ABLIM1: variants seen among roughly 807,000 people sequenced by gnomAD.
ABLIM1 encodes the protein actin-binding LIM protein 1.
In ABLIM1, 40 loss-of-function variants were observed where a neutral mutation model predicts 107.0. The ratio of observed to expected loss-of-function variants is 0.37; its 90% CI spans 0.29 to 0.49. The LOEUF is 0.49. Among genes scored for constraint, ABLIM1 ranks in the 20% least tolerant of loss-of-function variants. The pLI is 0.97. For synonymous variants in ABLIM1, 357 were observed against 357.3 expected, an observed-to-expected ratio of 1.00 and a Z score of 0.01; for missense variants, 857 against 1,008.5, an observed-to-expected ratio of 0.85 and a Z score of 2.04.
At chr10:114,725,735 A>G (rs1027239554) in intron 1 of ABLIM1, among the ~76,000 whole-genome samples, 2 of 142,266 alleles carry the variant, frequency 1.4e-5, no homozygotes, top group African/African-American at 2.6e-5. Context: ...TATATATAAA[A>G]TGTGTGTGTG....
At chr10:114,711,077 T>A (rs112366087) in intron 1 of ABLIM1, among the ~76,000 whole-genome samples, 1 of 152,250 alleles carries the variant, frequency 6.6e-6, no homozygotes, top group African/African-American at 2.4e-5. Flanking sequence ...GAAGAATCTG[T>A]TGTCCCTGTA....
intron 1 of ABLIM1, among the ~76,000 whole-genome samples, chr10:114,631,700 T>G (rs1332561127): frequency 6.6e-6 from 1 of 151,524 alleles, no homozygotes; most frequent in Non-Finnish European, 1.5e-5. Flanking sequence ...GAAAACAGGA[T>G]GTGCTCCCGA....
intron 1 of ABLIM1, among the ~76,000 whole-genome samples, chr10:114,692,607 A>C (rs1026544214): frequency 6.6e-6 from 1 of 152,190 alleles, no homozygotes; most frequent in East Asian, 1.9e-4. Context: ...GAGTAAAAAA[A>C]CGGGTCAGGA....
rs200929910 is a variant in ABLIM1 at position 114,575,517 on chromosome 10, G to A, written c.462C>T (p.Tyr154=). 6.6e-5 allele frequency: 107 copies of A among 1,614,192 alleles called. No homozygotes were observed. Among genetic ancestry groups the A allele is most frequent in the Middle Eastern group, 6.6e-4 (4 of 6,062 alleles). The change falls in exon 3 of 23, where the codon TAC becomes TAT. Residue 154 remains tyrosine (Y), a synonymous_variant. Coordinates refer to ENST00000533213, the MANE Select transcript of ABLIM1 (RefSeq NM_002313.7). ...CCCCACAGCCATGGCAGCGTGTCCC[G>A]TACATCCGCTGGTAGTCCAGGGTGC... is the stretch of plus-strand genomic sequence containing the variant. ...YLCTLDYQRM[Y]GTRCHGCGEF...
chr10:114,684,706 C>T (rs1225947883), exon 1 of ABLIM1: 2 of 1,056,588 alleles, frequency 1.9e-6, no homozygotes, highest in Non-Finnish European at 2.3e-6. Flanking sequence ...TTAGAACACG[C>T]CAAGAATGTT....
At chr10:114,526,990 A>AG (rs1276051784) in intron 6 of ABLIM1, 1 of 984,418 alleles carries the variant, frequency 1.0e-6, no homozygotes, top group Admixed American at 6.1e-5. Context: ...CCAAAAAAGG[A>AG]GGGGGAGTAG....
intron 4 of ABLIM1, among the ~76,000 whole-genome samples, chr10:114,557,671 G>GTTTTGTTTTTTTTTTTTTTTTT (rs1555173409): frequency 1.4e-5 from 1 of 72,484 alleles, no homozygotes; most frequent in Non-Finnish European, 2.4e-5. Flanking sequence ...ATAGTGAGGT[G>GTTTTGTTTTTTTTTTTTTTTTT]TTTTTTTTTT....
intron 6 of ABLIM1, among the ~76,000 whole-genome samples, chr10:114,506,576 A>G (rs2135817308): frequency 6.6e-6 from 1 of 152,284 alleles, no homozygotes; most frequent in African/African-American, 2.4e-5. Context: ...ACGGTATCTC[A>G]GTGTGGTTTC....
chr10:114,677,073 T>C (rs537990975), intron 1 of ABLIM1, among the ~76,000 whole-genome samples: 1 of 152,268 alleles, frequency 6.6e-6, no homozygotes, highest in South Asian at 2.1e-4. Context: ...CTCTTACTTC[T>C]GAAAAGCCTG....
intron 1 of ABLIM1, among the ~76,000 whole-genome samples, chr10:114,680,418 G>C (rs1177908757): frequency 6.6e-6 from 1 of 152,208 alleles, no homozygotes; most frequent in Non-Finnish European, 1.5e-5. Context: ...CTCAAAAGGA[G>C]CATGCTTTCC....
At chr10:114,758,978 T>C (rs1197894893) in intron 1 of ABLIM1, among the ~76,000 whole-genome samples, 3 of 152,166 alleles carry the variant, frequency 2.0e-5, no homozygotes, top group African/African-American at 7.2e-5. Flanking sequence ...ATAATAATTA[T>C]GCATGTTCAG....
intron 1 of ABLIM1, among the ~76,000 whole-genome samples, chr10:114,766,376 T>C (rs1336323113): frequency 6.6e-6 from 1 of 152,234 alleles, no homozygotes; most frequent in Admixed American, 6.5e-5. Context: ...GAAATGTCTA[T>C]AGCTGACTCC....
At chr10:114,518,316 T>A (rs1388232976) in intron 6 of ABLIM1, among the ~76,000 whole-genome samples, 1 of 152,134 alleles carries the variant, frequency 6.6e-6, no homozygotes, top group Non-Finnish European at 1.5e-5. Context: ...TGGGTTTTTT[T>A]AAAGTAATGT....
chr10:114,559,438 CAAAAAAA>C (rs72456292), intron 4 of ABLIM1, among the ~76,000 whole-genome samples: 4 of 49,354 alleles, frequency 8.1e-5, no homozygotes, highest in South Asian at 1.1e-3. Context: ...ACTCGTCTCT[CAAAAAAA>C]AAAAAAAAAA....
chr10:114,749,506 A>G (rs2082464395), intron 1 of ABLIM1, among the ~76,000 whole-genome samples: 2 of 151,134 alleles, frequency 1.3e-5, no homozygotes, highest in African/African-American at 4.9e-5. Flanking sequence ...AGAGATCACC[A>G]AATACTATAT....
At chr10:114,627,363 T>C (rs2077879672) in intron 1 of ABLIM1, among the ~76,000 whole-genome samples, 1 of 152,198 alleles carries the variant, frequency 6.6e-6, no homozygotes, top group South Asian at 2.1e-4. Flanking sequence ...CTCCCACCTT[T>C]GACCTGCCAG....
At chr10:114,486,467 A>G (rs1185035898) in intron 8 of ABLIM1, among the ~76,000 whole-genome samples, 1 of 152,216 alleles carries the variant, frequency 6.6e-6, no homozygotes, top group African/African-American at 2.4e-5. Flanking sequence ...AAAAGTCACA[A>G]TAAGGATGAT....
chr10:114,541,966 C>T (rs1355296045), intron 6 of ABLIM1, among the ~76,000 whole-genome samples: 4 of 152,096 alleles, frequency 2.6e-5, no homozygotes, highest in Admixed American at 1.3e-4. Context: ...CTTTTCCCTC[C>T]CCAGCATGTT....
At chr10:114,593,084 A>G (rs2075071086) in intron 2 of ABLIM1, among the ~76,000 whole-genome samples, 2 of 152,088 alleles carry the variant, frequency 1.3e-5, no homozygotes, top group African/African-American at 2.4e-5. Flanking sequence ...AACCAGCAAT[A>G]TAAGTTGTGA....
Sources: gnomAD v4.1 joint callset for allele counts (sites outside exome capture counted in the v4.1 genomes callset) on GRCh38, gnomAD v4.1.1 for gene constraint, MANE v1.5 for transcripts, NCBI Gene and HGNC (gene_info 2026-07-23, HGNC 2026-07-21) for gene names.